The following PDZD2 variants were observed in gnomAD, a reference collection of about 807,000 sequenced individuals.
PDZD2 encodes PDZ domain containing 2, also known as PDZ domain-containing protein 2.
A neutral mutation model predicts 220.7 loss-of-function variants in PDZD2; 90 were observed. That is an observed-to-expected ratio of 0.41 (90% CI 0.34 to 0.49). The LOEUF (loss-of-function observed/expected upper bound fraction) is 0.49. Ranked by LOEUF, PDZD2 falls within the 20% of genes least tolerant of loss-of-function variation. The pLI is 0.28. For synonymous variants in PDZD2, 1,375 were observed against 1,450.5 expected, an observed-to-expected ratio of 0.95 and a Z score of 1.18; for missense variants, 3,174 against 3,608.5, an observed-to-expected ratio of 0.88 and a Z score of 3.08.
intron 24 of PDZD2, among the ~76,000 whole-genome samples, chr5:32,105,911 G>A (rs575377497): frequency 6.6e-6 from 1 of 152,336 alleles, no homozygotes; most frequent in African/African-American, 2.4e-5. Context: ...CCAAAAGCTG[G>A]CAAACCTCTG....
chr5:31,906,290 T>G lies in PDZD2; in HGVS notation c.477-76865T>G, dbSNP rs892113706. The stretch of plus-strand genomic sequence containing the variant: ...TTTTGTTGTTGTTGTTGTTGTTGTT[T>G]TTGAGATGGGGTCTCACCCTGTTGC... On this transcript the variant is annotated intron_variant, in intron 2 of 24. Transcript: ENST00000438447. Among the ~76,000 whole-genome samples the G allele has an allele frequency of 1.8e-4, 27 of 148,854 alleles. No individual in the cohort carries two copies. In the East Asian group the frequency reaches 2.6e-3, roughly 14 times the overall value.
Position 32,077,405 on chromosome 5 carries a change from T to G in PDZD2, c.3538-57T>G, listed in dbSNP as rs549512379. On this transcript the variant is annotated intron_variant, in intron 18 of 24. Transcript: ENST00000438447. ...CTGCTCTCTATATATGATCTCATCT[T>G]ACGGTGCAGAAAGCCTGAAAGTTAT... The G allele has an allele frequency of 9.7e-5, 154 of 1,585,900 alleles. 1 individual carries two copies. In the African/African-American group the frequency reaches 1.7e-3, roughly 18 times the overall value.
At chr5:31,900,722 C>T (rs1217004288) in intron 2 of PDZD2, among the ~76,000 whole-genome samples, 3 of 152,098 alleles carry the variant, frequency 2.0e-5, no homozygotes, top group Non-Finnish European at 4.4e-5. Context: ...ATGCGAGCCT[C>T]CAGAAGTCCT....
chr5:31,838,066 A>T (rs1286002224), intron 2 of PDZD2, among the ~76,000 whole-genome samples: 6 of 152,126 alleles, frequency 3.9e-5, no homozygotes, highest in Non-Finnish European at 7.4e-5. Context: ...TAAAAATTAT[A>T]TCCTGTGTTT....
intron 1 of PDZD2, among the ~76,000 whole-genome samples, chr5:31,665,651 C>CTT (rs113191767): frequency 1.4e-5 from 2 of 144,046 alleles, no homozygotes; most frequent in Non-Finnish European, 3.0e-5. Context: ...CCCTCCCCCC[C>CTT]CTCCCTTTCC....
chr5:32,009,419 T>G (rs1753108616), intron 5 of PDZD2, among the ~76,000 whole-genome samples: 1 of 151,382 alleles, frequency 6.6e-6, no homozygotes, highest in Non-Finnish European at 1.5e-5. Context: ...CTGAAAGCAG[T>G]CCAGGGGAGG....
chr5:31,722,436 C>G (rs997525600), intron 1 of PDZD2, among the ~76,000 whole-genome samples: 1 of 151,028 alleles, frequency 6.6e-6, no homozygotes, highest in Non-Finnish European at 1.5e-5. Flanking sequence ...TTCTTCTTAT[C>G]TTTTATGTTT....
chr5:31,994,122 A>T (rs2111957270), intron 3 of PDZD2, among the ~76,000 whole-genome samples: 1 of 151,874 alleles, frequency 6.6e-6, no homozygotes. Context: ...GGTTCAAGCG[A>T]TTCTCCTGCC....
Position 31,646,382 on chromosome 5 carries a change from C to G in PDZD2, c.-361+6945C>G, listed in dbSNP as rs1038044765. 7.0e-6 allele frequency among the ~76,000 whole-genome samples: 1 copy of G among 143,238 alleles called. No homozygotes were observed. Among genetic ancestry groups the G allele is most frequent in the African/African-American group, 2.7e-5 (1 of 37,440 alleles). The allele number at this position is 143,238 out of a possible 152,430, so 94.0% of individuals were successfully genotyped here. A position where few individuals can be genotyped will look rare whatever the true frequency, so the allele number is the denominator to read the frequency against. On this transcript the variant is annotated intron_variant, in intron 1 of 24. Transcript: ENST00000438447. This position sits in a 1 kb window ranked among gnomAD's most constrained non-coding sequence, Gnocchi z 4.7. ...ACCACAAATGTCTTCAGGAACCTGA[C>G]CCCTCCACGTCATGAACACTAAGTA... is the stretch of plus-strand genomic sequence containing the variant.
intron 2 of PDZD2, chr5:31,855,105 C>A (rs1200222414): frequency 2.0e-6 from 2 of 985,314 alleles, no homozygotes. Flanking sequence ...CGCCCAGCTG[C>A]TGCCGGCGGA....
chr5:31,743,244 G>C (rs1750377171), intron 1 of PDZD2, among the ~76,000 whole-genome samples: 3 of 151,682 alleles, frequency 2.0e-5, no homozygotes, highest in Admixed American at 2.0e-4. Context: ...CACAATCATG[G>C]CTCACTGAAG....
chr5:31,899,031 G>A (rs1217438848), intron 2 of PDZD2, among the ~76,000 whole-genome samples: 1 of 151,820 alleles, frequency 6.6e-6, no homozygotes, highest in Admixed American at 6.6e-5. Context: ...GTTTCACCAT[G>A]TTAGCCAGGA....
At chr5:31,979,261 C>T (rs890529071) in intron 2 of PDZD2, among the ~76,000 whole-genome samples, 1 of 152,126 alleles carries the variant, frequency 6.6e-6, no homozygotes, top group African/African-American at 2.4e-5. Flanking sequence ...AGGCCTAAGA[C>T]AACTTGGAGA....
rs1581460528 is a variant in PDZD2, at chr5:32,087,418, A to G, written c.3970A>G (p.Arg1324Gly). 6.2e-7 allele frequency: 1 copy of G among 1,614,106 alleles called. No individual in the cohort carries two copies. Among genetic ancestry groups the G allele is most frequent in the African/African-American group, 1.3e-5 (1 of 75,060 alleles). ...CAATACCAGGAGGGTGGCTGCCCTCAGGGGAGCGGGACCTGGAGCAGAGGG... is the reference window on the plus strand; with the variant it reads ...CAATACCAGGAGGGTGGCTGCCCTCGGGGGAGCGGGACCTGGAGCAGAGGG... The part of the protein sequence containing the change: ...PHNTRRVAAL[R>G]GAGPGAEGMT... Residue 1324 changes from arginine to glycine, a missense_variant, in exon 20 of 25, where the codon AGG (arginine) becomes GGG (glycine). This residue lies in a region of PDZD2 where 1,861 missense variants were observed against 2,001.0 expected (regional missense o/e 0.93). Transcript: ENST00000438447. The surrounding 1 kb of genome is among the most constrained non-coding windows in gnomAD (Gnocchi z 4.0).
At chr5:31,894,596 G>A (rs1026910491) in intron 2 of PDZD2, among the ~76,000 whole-genome samples, 3 of 152,100 alleles carry the variant, frequency 2.0e-5, no homozygotes, top group African/African-American at 4.8e-5. Context: ...TTTTCCAAGC[G>A]CTTCCAGACC....
At chr5:31,913,204 G>A (rs1172849843) in intron 2 of PDZD2, among the ~76,000 whole-genome samples, 2 of 152,142 alleles carry the variant, frequency 1.3e-5, no homozygotes, top group African/African-American at 4.8e-5. Flanking sequence ...CCCTGGGCGT[G>A]GTGGCACATG....
chr5:31,923,392 A>G, intron 2 of PDZD2: 1 of 1,253,240 alleles, frequency 8.0e-7, no homozygotes, highest in Non-Finnish European at 1.2e-6. Context: ...AAAGAGGCCA[A>G]GCAGAGACTG....
intron 2 of PDZD2, among the ~76,000 whole-genome samples, chr5:31,958,444 G>C (rs1371578867): frequency 6.6e-6 from 1 of 151,822 alleles, no homozygotes; most frequent in Non-Finnish European, 1.5e-5. Context: ...AGTAGAGATG[G>C]GGTTTCATCA....
intron 2 of PDZD2, among the ~76,000 whole-genome samples, chr5:31,905,554 C>A (rs1742568552): frequency 6.6e-6 from 1 of 152,214 alleles, no homozygotes; most frequent in South Asian, 2.1e-4. Flanking sequence ...TTCACATTTT[C>A]CAACCCAGCA....
Sources: gnomAD v4.1 joint callset for allele counts (sites outside exome capture counted in the v4.1 genomes callset) on GRCh38, gnomAD v4.1.1 for gene constraint, gnomAD v4.1.1 regional missense constraint, Gnocchi (gnomAD v3.1) non-coding constraint, MANE v1.5 for transcripts, NCBI Gene and HGNC (gene_info 2026-07-23, HGNC 2026-07-21) for gene names.